The following ZFHX3 variants were observed in gnomAD, a reference collection of about 807,000 sequenced individuals.
ZFHX3 encodes zinc finger homeobox 3.
A neutral mutation model predicts 279.1 loss-of-function variants in ZFHX3; 42 were observed. That is an observed-to-expected ratio of 0.15 (90% CI 0.12 to 0.19). ZFHX3 has a LOEUF of 0.19. Ranked by LOEUF, ZFHX3 falls within the 10% of genes least tolerant of loss-of-function variation. The pLI is 1.00. For synonymous variants in ZFHX3, 2,293 were observed against 1,957.8 expected (o/e 1.17, Z -4.52); for missense variants, 4,981 against 4,754.0 (o/e 1.05, Z -1.40).
At chr16:72,992,061 G>C (rs1018696671) in intron 1 of ZFHX3, among the ~76,000 whole-genome samples, 1 of 152,202 alleles carries the variant, frequency 6.6e-6, no homozygotes, top group Non-Finnish European at 1.5e-5. Context: ...GGGCAGAGGG[G>C]TCTCTTCCAC....
At chr16:73,258,638 G>T (rs1355701603) in intron 4 of ZFHX3, among the ~76,000 whole-genome samples, 2 of 152,090 alleles carry the variant, frequency 1.3e-5, no homozygotes. Flanking sequence ...GTGAGCCACC[G>T]CACCCGGCCA....
intron 3 of ZFHX3, among the ~76,000 whole-genome samples, chr16:73,448,120 T>C (rs1415345916): frequency 6.6e-6 from 1 of 152,160 alleles, no homozygotes; most frequent in Non-Finnish European, 1.5e-5. Flanking sequence ...GGGGCAGATA[T>C]TAATGCTCAG....
At chr16:73,877,063 G>T (rs1162538605) in intron 1 of ZFHX3, among the ~76,000 whole-genome samples, 1 of 151,078 alleles carries the variant, frequency 6.6e-6, no homozygotes, top group African/African-American at 2.4e-5. Context: ...ACAACAACAA[G>T]GTAAGGGAGA....
At chr16:72,814,066 G>A (rs2143614605) in intron 5 of ZFHX3, among the ~76,000 whole-genome samples, 1 of 152,256 alleles carries the variant, frequency 6.6e-6, no homozygotes, top group South Asian at 2.1e-4. Flanking sequence ...AAGATGGGGT[G>A]GGTGAGGGCA....
intron 1 of ZFHX3, among the ~76,000 whole-genome samples, chr16:73,745,942 AC>A (rs2053699436): frequency 6.6e-6 from 1 of 152,124 alleles, no homozygotes; most frequent in Non-Finnish European, 1.5e-5. Context: ...ATTTTCATTT[AC>A]CCTTTTGGCA....
intron 1 of ZFHX3, among the ~76,000 whole-genome samples, chr16:73,865,320 T>C (rs1374021671): frequency 1.3e-5 from 2 of 152,052 alleles, no homozygotes; most frequent in Non-Finnish European, 2.9e-5. Flanking sequence ...TCTATGCAAA[T>C]AGGCCATGCA....
At chr16:72,911,153 A>C (rs2039306398) in intron 3 of ZFHX3, among the ~76,000 whole-genome samples, 1 of 152,258 alleles carries the variant, frequency 6.6e-6, no homozygotes. Context: ...GCTCAGCTTC[A>C]CCAGACTTGG....
intron 3 of ZFHX3, among the ~76,000 whole-genome samples, chr16:72,913,969 G>C (rs940907584): frequency 6.6e-6 from 1 of 152,182 alleles, no homozygotes; most frequent in African/African-American, 2.4e-5. Context: ...GATGGCACAA[G>C]ATTACAACAA....
intron 1 of ZFHX3, among the ~76,000 whole-genome samples, chr16:73,687,865 A>T (rs1047176284): frequency 2.0e-4 from 31 of 151,744 alleles, no homozygotes; most frequent in Non-Finnish European, 2.5e-4. Context: ...AAAAAAAAAA[A>T]AAAACAGATT....
intron 1 of ZFHX3, among the ~76,000 whole-genome samples, chr16:72,987,386 TCC>T (rs2144558837): frequency 6.6e-6 from 1 of 152,226 alleles, no homozygotes; most frequent in East Asian, 1.9e-4. Flanking sequence ...TGCTTCCACC[TCC>T]CACCCTCCCC....
intron 1 of ZFHX3, among the ~76,000 whole-genome samples, chr16:73,741,522 G>C (rs1482269211): frequency 1.3e-5 from 2 of 152,114 alleles, no homozygotes; most frequent in East Asian, 3.9e-4. Flanking sequence ...AAATTGTCCG[G>C]GTGTTTTCTC....
intron 3 of ZFHX3, among the ~76,000 whole-genome samples, chr16:73,440,322 C>G (rs185151875): frequency 6.6e-6 from 1 of 152,108 alleles, no homozygotes. Flanking sequence ...CGAGTGTGTC[C>G]AAGAGGCATT....
At chr16:72,883,432 T>C (rs2038545631) in intron 4 of ZFHX3, among the ~76,000 whole-genome samples, 1 of 152,218 alleles carries the variant, frequency 6.6e-6, no homozygotes, top group African/African-American at 2.4e-5. Flanking sequence ...TTCTGAGCCC[T>C]TGCCACACAT....
intron 1 of ZFHX3, among the ~76,000 whole-genome samples, chr16:73,881,350 TA>T (rs2030143280): frequency 6.6e-6 from 1 of 151,852 alleles, no homozygotes; most frequent in African/African-American, 2.4e-5. Flanking sequence ...TTACCTAAAC[TA>T]AGTTGATTTC....
rs1418179220 is a variant in ZFHX3, at chr16:73,153,252, A to G, written c.-1103-9421T>C. Among the ~76,000 whole-genome samples, 9 of 152,160 alleles carry G rather than the reference A, an allele frequency of 5.9e-5. No individual in the cohort carries two copies. In the East Asian group the frequency reaches 1.7e-3, roughly 29 times the overall value. ...ATGTAAGAATCATCTTCGATAAATA[A>G]TTGCACCTTGGGATGAATTTTGTAA... is the stretch of plus-strand genomic sequence containing the variant. On this transcript the variant is annotated intron_variant, in intron 5 of 17. Coordinates refer to the ZFHX3 transcript ENST00000641206.
intron 3 of ZFHX3, among the ~76,000 whole-genome samples, chr16:73,383,461 G>A (rs80280723): frequency 0.015 from 2,280 of 152,290 alleles, 72 homozygotes; most frequent in African/African-American, 0.051. Context: ...CTGGACAGGA[G>A]GGATCTCTGG....
rs35421193 is a variant in ZFHX3 at position 73,343,260 on chromosome 16, T to C, written c.-1290-24924A>G. On this transcript the variant is annotated intron_variant, in intron 3 of 17. Transcript: ENST00000641206. Reference sequence around the variant, plus strand: ...GTATGCATATATACATTCTGTCCATTAAAAGAGTCTTGAATTAATGATATC... The same window carrying C: ...GTATGCATATATACATTCTGTCCATCAAAAGAGTCTTGAATTAATGATATC... Among the ~76,000 whole-genome samples, 88 of 151,948 alleles carry C rather than the reference T, an allele frequency of 5.8e-4. 1 individual carries two copies. The highest frequency in any genetic ancestry group is 9.3e-4 in the Non-Finnish European group (63 of 68,030).
chr16:73,728,117 T>C (rs768390827), intron 1 of ZFHX3, among the ~76,000 whole-genome samples: 1 of 144,102 alleles, frequency 6.9e-6, no homozygotes, highest in Non-Finnish European at 1.5e-5. Context: ...GGTAATTAAG[T>C]TAAATGAGGT....
At chr16:73,443,581 T>C (rs1472564299) in intron 3 of ZFHX3, among the ~76,000 whole-genome samples, 2 of 152,148 alleles carry the variant, frequency 1.3e-5, no homozygotes, top group African/African-American at 4.8e-5. Flanking sequence ...AAGCCAAAGG[T>C]CAGCATTTTC....
Sources: allele counts gnomAD v4.1 joint callset (sites outside exome capture counted in the v4.1 genomes callset), GRCh38; gene constraint gnomAD v4.1.1; transcripts MANE v1.5; gene names NCBI Gene and HGNC (gene_info 2026-07-23, HGNC 2026-07-21).